The following OTOGL variants were observed in gnomAD, a reference collection of about 807,000 sequenced individuals.
OTOGL encodes the protein otogelin-like protein.
OTOGL carries 285 observed loss-of-function variants against 318.5 expected under a neutral mutation model. The observed-to-expected ratio is 0.89, with a 90% CI of 0.81 to 0.99. The LOEUF is 0.99. OTOGL is among the 50% of genes least tolerant of loss of function. The pLI is 0.00. For missense variants in OTOGL, 2,899 were observed against 2,845.6 expected (o/e 1.02, Z -0.43); for synonymous variants, 987 against 936.5 (o/e 1.05, Z -0.99).
In OTOGL at chr12:80,150,304, A is replaced by G. The variant is rs1872706938; in HGVS notation, c.-20+50699A>G. 2.6e-5 allele frequency among the ~76,000 whole-genome samples: 4 copies of G among 152,178 alleles called. 1 individual carries two copies. The highest frequency in any genetic ancestry group is 9.7e-5 in the African/African-American group (4 of 41,440). ...TTTGAAAATGGTTTTCTTTCTATGC[A>G]GCTACAACAGAATAATGTGTTTCTT... On this transcript the variant is annotated intron_variant, in intron 1 of 58. Transcript: ENST00000547103.
intron 11 of OTOGL, among the ~76,000 whole-genome samples, chr12:80,246,195 C>G (rs1286637307): frequency 3.3e-5 from 5 of 150,214 alleles, no homozygotes; most frequent in Admixed American, 3.3e-4. Flanking sequence ...ACTTCCAACA[C>G]TATGTTGAAT....
At chr12:80,248,032 T>C (rs1404101727) in intron 11 of OTOGL, among the ~76,000 whole-genome samples, 4 of 65,500 alleles carry the variant, frequency 6.1e-5, no homozygotes, top group Non-Finnish European at 1.1e-4. Flanking sequence ...TCTTCCTCCA[T>C]CCTTTTATTT....
chr12:80,340,508 T>G (rs1029084936), intron 43 of OTOGL, among the ~76,000 whole-genome samples: 10 of 152,212 alleles, frequency 6.6e-5, no homozygotes, highest in African/African-American at 2.2e-4. Context: ...GTTTTATTTT[T>G]ATGTTTTTTA....
chr12:80,377,790 A>T, intron 58 of OTOGL, 58 bp from the exon 59 acceptor site: 1 of 1,320,514 alleles, frequency 7.6e-7, no homozygotes, highest in South Asian at 1.4e-5. Context: ...GTGGAATCAA[A>T]TAATAACCAG....
intron 6 of OTOGL, 110 bp from the exon 7 acceptor site, chr12:80,221,981 C>T: frequency 1.6e-6 from 2 of 1,223,842 alleles, no homozygotes; most frequent in South Asian, 1.6e-5. Context: ...TGTTATAGAC[C>T]AAGGAAGGAA....
chr12:80,179,710 C>T (rs2137236502), intron 1 of OTOGL, among the ~76,000 whole-genome samples: 1 of 152,288 alleles, frequency 6.6e-6, no homozygotes, highest in South Asian at 2.1e-4. Context: ...GCATTCAGTG[C>T]TTAGATGACT....
chr12:80,320,482 A>G lies in OTOGL; in HGVS notation c.3863A>G (p.Asp1288Gly). 1 of 1,613,582 alleles carries G rather than the reference A, an allele frequency of 6.2e-7. No individual in the cohort carries two copies. Among genetic ancestry groups the G allele is most frequent in the Non-Finnish European group, 8.5e-7 (1 of 1,179,632 alleles). ...ERPNYFLYVH[D>G]NDTLSLELWE... The stretch of plus-strand genomic sequence containing the variant: ...CCAAACTACTTTCTCTATGTCCATG[A>G]CAATGATACTCTTAGCTTGGAGCTG... The change falls in exon 34 of 59, where the codon GAC becomes GGC. Residue 1288 changes from aspartate to glycine, a missense_variant. By Grantham distance (94) the Asp-to-Gly change is moderately conservative. Around this residue, in one of 3 missense-constraint regions of OTOGL, gnomAD observed 2,607 missense variants for 2,524.9 expected, o/e 1.03. Coordinates refer to ENST00000547103, the MANE Select transcript of OTOGL (RefSeq NM_001378609.3).
At chr12:80,137,528 A>G (rs1565873996) in intron 1 of OTOGL, among the ~76,000 whole-genome samples, 1 of 152,170 alleles carries the variant, frequency 6.6e-6, no homozygotes, top group East Asian at 1.9e-4. Context: ...ATGTTTTATC[A>G]TTTTTCTGCT....
chr12:80,336,197 T>G (rs1333866428), intron 39 of OTOGL, 57 bp downstream of exon 39: 9 of 1,469,630 alleles, frequency 6.1e-6, no homozygotes, highest in East Asian at 2.4e-5. Flanking sequence ...TCTGGAGAGA[T>G]TGTTACTTTT....
At chr12:80,328,098 C>T (rs1259054773) in intron 35 of OTOGL, among the ~76,000 whole-genome samples, 1 of 151,572 alleles carries the variant, frequency 6.6e-6, no homozygotes, top group African/African-American at 2.4e-5. Context: ...GGGCTGATTG[C>T]TTGAGCCCAG....
At chr12:80,294,256 G>C (rs1885236650) in intron 26 of OTOGL, among the ~76,000 whole-genome samples, 1 of 151,740 alleles carries the variant, frequency 6.6e-6, no homozygotes, top group Non-Finnish European at 1.5e-5. Flanking sequence ...TGTGAGCATA[G>C]CATGAAATTG....
chr12:80,290,026 C>T (rs768165478), intron 26 of OTOGL, among the ~76,000 whole-genome samples: 7 of 152,102 alleles, frequency 4.6e-5, no homozygotes, highest in East Asian at 3.9e-4. Flanking sequence ...GCCCTGGTGT[C>T]GTAGGCACAC....
At position 80,219,832 on chromosome 12, in the gene OTOGL, G is replaced by A. The variant is rs763887123; in HGVS notation, c.254G>A (p.Cys85Tyr). 4 of 1,583,012 alleles carry A rather than the reference G, an allele frequency of 2.5e-6. No homozygotes were observed. The African/African-American group carries it at 5.5e-5, about 22-fold the overall frequency. The stretch of plus-strand genomic sequence containing the variant: ...CCCTCAGGTTCTTGTCCTTATGAAT[G>A]CCTTAATGGAGCTTTCTGTTCTAAG... ...SKIKGSCPYE[C>Y]LNGAFCSKTG... The change falls in exon 6 of 59, where the codon TGC becomes TAC. Residue 85 changes from cysteine to tyrosine, a missense_variant. By Grantham distance (194) the Cys-to-Tyr change is radical. This residue lies in a region of OTOGL where 2,607 missense variants were observed against 2,524.9 expected (regional missense o/e 1.03). Coordinates refer to ENST00000547103, the MANE Select transcript of OTOGL (RefSeq NM_001378609.3).
At chr12:80,272,790 A>G (rs899803624) in intron 24 of OTOGL, among the ~76,000 whole-genome samples, 2 of 152,138 alleles carry the variant, frequency 1.3e-5, no homozygotes, top group African/African-American at 4.8e-5. Flanking sequence ...AACTGGCATT[A>G]ATCTCTTTAG....
At chr12:80,282,108 G>A (rs1224365740) in intron 26 of OTOGL, among the ~76,000 whole-genome samples, 3 of 151,686 alleles carry the variant, frequency 2.0e-5, no homozygotes, top group Non-Finnish European at 4.4e-5. Context: ...TCAAATTTTA[G>A]GCATTACTGA....
intron 1 of OTOGL, among the ~76,000 whole-genome samples, chr12:80,171,619 T>C (rs1023018506): frequency 6.6e-6 from 1 of 152,226 alleles, no homozygotes; most frequent in Non-Finnish European, 1.5e-5. Flanking sequence ...CCCTCCAAAT[T>C]TCATCTTCCT....
intron 27 of OTOGL, among the ~76,000 whole-genome samples, chr12:80,299,820 A>G (rs960672950): frequency 1.3e-5 from 2 of 150,952 alleles, no homozygotes; most frequent in Non-Finnish European, 3.0e-5. Flanking sequence ...TCTATTTTGG[A>G]CAATTTGTAA....
chr12:80,282,542 T>C (rs982737326), intron 26 of OTOGL, among the ~76,000 whole-genome samples: 1 of 151,788 alleles, frequency 6.6e-6, no homozygotes, highest in Non-Finnish European at 1.5e-5. Context: ...TATTTTTTTT[T>C]TTGTCTTGTG....
chr12:80,278,177 G>A lies in OTOGL; in HGVS notation c.2691G>A (p.Glu897=), dbSNP rs1883948507. The change falls in exon 25 of 59, where the codon GAG becomes GAA. Residue 897 remains glutamate (E), a synonymous_variant. Transcript: ENST00000547103. ...SGCVCAPGMA[E]HRGKCYVPES... is the part of the protein sequence containing the mutation. The stretch of plus-strand genomic sequence containing the variant: ...ATTCTTCATTTGGAAGAATGGCAGA[G>A]CACAGAGGAAAGTGTTATGTTCCTG... 2 of 1,545,540 alleles carry A rather than the reference G, an allele frequency of 1.3e-6. No homozygotes were observed. Among genetic ancestry groups the A allele is most frequent in the Non-Finnish European group, 1.7e-6 (2 of 1,143,148 alleles).
Sources: allele counts gnomAD v4.1 joint callset (sites outside exome capture counted in the v4.1 genomes callset), GRCh38; gene constraint gnomAD v4.1.1; regional missense constraint gnomAD v4.1.1; transcripts MANE v1.5; gene names NCBI Gene and HGNC (gene_info 2026-07-23, HGNC 2026-07-21).